The following DCDC2 variants were observed in gnomAD, a reference collection of about 807,000 sequenced individuals.
DCDC2 encodes doublecortin domain-containing protein 2.
DCDC2 carries 40 observed loss-of-function variants against 50.2 expected under a neutral mutation model. The observed-to-expected ratio is 0.80, with a 90% CI of 0.62 to 1.04. The LOEUF (loss-of-function observed/expected upper bound fraction) is 1.04. Among genes scored for constraint, DCDC2 ranks in the 50% least tolerant of loss-of-function variants. The pLI is 0.00. For missense variants in DCDC2, 570 were observed against 581.9 expected, an observed-to-expected ratio of 0.98 and a Z score of 0.21; for synonymous variants, 234 against 210.6, an observed-to-expected ratio of 1.11 and a Z score of -0.96.
intron 7 of DCDC2, among the ~76,000 whole-genome samples, chr6:24,240,996 T>C (rs1762551974): frequency 6.6e-6 from 1 of 152,182 alleles, no homozygotes; most frequent in African/African-American, 2.4e-5. Context: ...TGGAAGTAAT[T>C]TGTGCAGGCT....
At chr6:24,350,153 G>A (rs1285117050) in intron 2 of DCDC2, among the ~76,000 whole-genome samples, 2 of 152,168 alleles carry the variant, frequency 1.3e-5, no homozygotes, top group African/African-American at 4.8e-5. Flanking sequence ...TCAAAGATGA[G>A]CCTCATGGAA....
chr6:24,245,497 C>T (rs1198155094), intron 7 of DCDC2, among the ~76,000 whole-genome samples: 2 of 152,172 alleles, frequency 1.3e-5, no homozygotes, highest in Non-Finnish European at 2.9e-5. Flanking sequence ...TTATACTAGT[C>T]AAGTGGTCAA....
chr6:24,259,938 A>T (rs941240142), intron 7 of DCDC2, among the ~76,000 whole-genome samples: 1 of 152,228 alleles, frequency 6.6e-6, no homozygotes, highest in Non-Finnish European at 1.5e-5. Flanking sequence ...AGTACTCACC[A>T]TGTTGACAAT....
chr6:24,252,955 GA>G (rs1459307944), intron 7 of DCDC2, among the ~76,000 whole-genome samples: 1 of 151,668 alleles, frequency 6.6e-6, no homozygotes, highest in Admixed American at 6.6e-5. Flanking sequence ...CGGGGTCAAA[GA>G]AAAAAATGAC....
At position 24,357,743 on chromosome 6, in the gene DCDC2, C is replaced by G; in HGVS notation, c.8G>C (p.Gly3Ala). 6.2e-7 allele frequency: 1 copy of G among 1,612,374 alleles called. No homozygotes were observed. Among genetic ancestry groups the G allele is most frequent in the Non-Finnish European group, 8.5e-7 (1 of 1,179,382 alleles). Residue 3 changes from glycine to alanine, a missense_variant, in exon 1 of 10, where the codon GGC (glycine) becomes GCC (alanine). Physicochemically the swap from Gly to Ala is moderately conservative, Grantham distance 60 (BLOSUM62 0). Transcript: ENST00000378454. ...CAGGTGGCTGGACCTGGCGCTGCTG[C>G]CGCTCATCTTCCCCGCTGGCCGCCG... The part of the protein sequence containing the change: MS[G>A]SSARSSHLSQ...
intron 7 of DCDC2, among the ~76,000 whole-genome samples, chr6:24,220,808 C>G (rs527447357): frequency 1.3e-5 from 1 of 77,792 alleles, no homozygotes; most frequent in African/African-American, 6.3e-5. Flanking sequence ...CTTACAATCA[C>G]GGCAGAAAGC....
At chr6:24,264,204 T>C (rs1276371621) in intron 7 of DCDC2, among the ~76,000 whole-genome samples, 5 of 152,178 alleles carry the variant, frequency 3.3e-5, no homozygotes, top group African/African-American at 9.6e-5. Context: ...ATTTTATCAA[T>C]ACCAGACCTA....
At chr6:24,262,339 T>C (rs1478232737) in intron 7 of DCDC2, among the ~76,000 whole-genome samples, 2 of 152,214 alleles carry the variant, frequency 1.3e-5, no homozygotes, top group Non-Finnish European at 2.9e-5. Context: ...AGTCAGAACC[T>C]GAGTTCAAAC....
the DCDC2 span, among the ~76,000 whole-genome samples, chr6:24,364,525 A>G: frequency 6.6e-6 from 1 of 152,212 alleles, no homozygotes; most frequent in Non-Finnish European, 1.5e-5. Context: ...TTAAATGTTT[A>G]TATGTATAAA....
chr6:24,383,266 C>T, the DCDC2 span, among the ~76,000 whole-genome samples: 3 of 148,170 alleles, frequency 2.0e-5, no homozygotes, highest in Non-Finnish European at 3.0e-5. Flanking sequence ...GCAGAGGTTG[C>T]GGTGAGCCAA....
chr6:24,230,595 G>A (rs1581600087), intron 7 of DCDC2, among the ~76,000 whole-genome samples: 1 of 152,102 alleles, frequency 6.6e-6, no homozygotes, highest in Admixed American at 6.5e-5. Flanking sequence ...AGTGAGCTAG[G>A]ATTGTGCCAC....
intron 7 of DCDC2, among the ~76,000 whole-genome samples, chr6:24,205,842 G>GAA (rs543870414): frequency 3.4e-4 from 51 of 152,120 alleles, no homozygotes; most frequent in Non-Finnish European, 6.0e-4. Context: ...AAGAATTGCA[G>GAA]AACCATTTGT....
chr6:24,361,218 A>G (rs1445904687), upstream of DCDC2, among the ~76,000 whole-genome samples: 2 of 152,188 alleles, frequency 1.3e-5, no homozygotes, highest in Non-Finnish European at 2.9e-5. Context: ...TAGGAGTTAA[A>G]TGAGGAGAAC....
chr6:24,202,147 C>T (rs1425093186), intron 8 of DCDC2, among the ~76,000 whole-genome samples: 2 of 152,168 alleles, frequency 1.3e-5, no homozygotes, highest in African/African-American at 4.8e-5. Flanking sequence ...AGGCCAGCAT[C>T]ATCCTGATAC....
upstream of DCDC2, among the ~76,000 whole-genome samples, chr6:24,358,914 A>ATATATTTTATATAT (rs1461313525): frequency 2.2e-4 from 8 of 35,978 alleles, no homozygotes; most frequent in African/African-American, 4.1e-4. Context: ...ATTATATATT[A>ATATATTTTATATAT]TATATATTAT....
At chr6:24,205,175 T>G in intron 7 of DCDC2, 73 bp from the exon 8 acceptor site, 4 of 1,614,110 alleles carry the variant, frequency 2.5e-6, no homozygotes, top group Non-Finnish European at 1.7e-6. Context: ...GGAATTACAA[T>G]CAAATGCTTA....
In DCDC2 at chr6:24,290,170, T is replaced by C. The variant is rs556118963; in HGVS notation, c.704+762A>G. On this transcript the variant is annotated intron_variant, in intron 5 of 9. Coordinates refer to ENST00000378454, the MANE Select transcript of DCDC2 (RefSeq NM_016356.5). ...CACTACGCCCGGCTAATTTTTTGTA[T>C]TTTTAGTAGAGACGGGGTTTCACCG... Among the ~76,000 whole-genome samples, 534 of 150,866 alleles carry C rather than the reference T, an allele frequency of 3.5e-3. 2 individuals are homozygous for C. The highest frequency in any genetic ancestry group is 0.012 in the African/African-American group (504 of 41,144).
chr6:24,328,829 C>G (rs1439388983), intron 2 of DCDC2, among the ~76,000 whole-genome samples: 1 of 152,154 alleles, frequency 6.6e-6, no homozygotes, highest in East Asian at 1.9e-4. Flanking sequence ...GTACGCATAT[C>G]TACGCTTGCT....
the DCDC2 span, among the ~76,000 whole-genome samples, chr6:24,369,288 G>A: frequency 2.4e-4 from 37 of 152,004 alleles, no homozygotes; most frequent in Non-Finnish European, 4.9e-4. Flanking sequence ...ATGTTAAAAT[G>A]TATAGGGTAA....
Sources: allele counts gnomAD v4.1 joint callset (sites outside exome capture counted in the v4.1 genomes callset), GRCh38; gene constraint gnomAD v4.1.1; transcripts MANE v1.5; gene names NCBI Gene and HGNC (gene_info 2026-07-23, HGNC 2026-07-21).